Variants in KLHL8 observed in about 807,000 individuals in gnomAD.
The protein encoded by KLHL8 is kelch-like protein 8.
Under a neutral mutation model 63.5 loss-of-function variants are expected in KLHL8, and 38 were observed. That is an observed-to-expected ratio of 0.60 (90% confidence interval 0.46 to 0.78). The LOEUF (loss-of-function observed/expected upper bound fraction) is 0.78, where lower values mean the gene tolerates loss of function less well. KLHL8 is among the 30% of genes least tolerant of loss of function. KLHL8 has a pLI of 0.00. For missense variants in KLHL8, 566 were observed against 752.4 expected (o/e 0.75, Z 2.90); for synonymous variants, 224 against 254.3 (o/e 0.88, Z 1.13).
chr4:87,221,843 C>T (rs1732865177), upstream of KLHL8, among the ~76,000 whole-genome samples: 1 of 152,026 alleles, frequency 6.6e-6, no homozygotes, highest in African/African-American at 2.4e-5. Flanking sequence ...GTATTTTGCA[C>T]ATTTAATGCA....
intron 2 of KLHL8, among the ~76,000 whole-genome samples, chr4:87,191,630 A>G (rs1731492048): frequency 6.6e-6 from 1 of 151,938 alleles, no homozygotes; most frequent in Admixed American, 6.6e-5. Context: ...TTAGGGGTGC[A>G]TGTGTAGGTC....
At chr4:87,180,580 A>G (rs1731011842) in intron 4 of KLHL8, among the ~76,000 whole-genome samples, 1 of 152,250 alleles carries the variant, frequency 6.6e-6, no homozygotes, top group Non-Finnish European at 1.5e-5. Flanking sequence ...ATTCCAAAAT[A>G]AGTCCGGCTG....
At chr4:87,177,560 G>GCACA (rs148227275) in intron 5 of KLHL8, among the ~76,000 whole-genome samples, 2 of 150,098 alleles carry the variant, frequency 1.3e-5, no homozygotes, top group African/African-American at 4.9e-5. Flanking sequence ...TATAAACTGT[G>GCACA]CACACACACA....
intron 6 of KLHL8, among the ~76,000 whole-genome samples, chr4:87,174,314 T>C (rs1045707927): frequency 2.0e-5 from 3 of 151,938 alleles, no homozygotes; most frequent in African/African-American, 7.3e-5. Flanking sequence ...ATTTTGCTCT[T>C]GTCATCCAGA....
rs900705238 is a variant in KLHL8 at position 87,202,954 on chromosome 4, C to A, written c.-151-7264G>T. On this transcript the variant is annotated intron_variant, in intron 1 of 9. Transcript: ENST00000273963. ...TCCAGCAAAATATAGAGAATGATCA[C>A]GACCAAGTAGAATTTATCCTAAGAG... is the stretch of plus-strand genomic sequence containing the variant. Among the ~76,000 whole-genome samples the A allele has an allele frequency of 2.0e-5, 3 of 152,124 alleles. No individual in the cohort carries two copies. The South Asian group carries it at 6.2e-4, about 32-fold the overall frequency.
chr4:87,208,431 A>G (rs909888280), intron 1 of KLHL8, among the ~76,000 whole-genome samples: 1 of 151,576 alleles, frequency 6.6e-6, no homozygotes, highest in African/African-American at 2.4e-5. Context: ...CAGTGGCACA[A>G]TCTCGGCTTA....
At chr4:87,215,775 T>C (rs1377878406) in intron 1 of KLHL8, among the ~76,000 whole-genome samples, 1 of 152,222 alleles carries the variant, frequency 6.6e-6, no homozygotes, top group Non-Finnish European at 1.5e-5. Context: ...GTTTTAAATG[T>C]TATAAATGAA....
At chr4:87,207,465 C>T (rs749708377) in intron 1 of KLHL8, 26 of 739,648 alleles carry the variant, frequency 3.5e-5, no homozygotes, top group African/African-American at 5.1e-5. Flanking sequence ...ACTTTGTTGA[C>T]GCCCCCATGT....
At chr4:87,233,125 C>T (rs1201072674) in intron 1 of KLHL8, among the ~76,000 whole-genome samples, 2 of 151,942 alleles carry the variant, frequency 1.3e-5, no homozygotes, top group East Asian at 2.0e-4. Context: ...CTGCAACCTT[C>T]GCCTCCAGGG....
chr4:87,218,023 C>T (rs1362537724), intron 1 of KLHL8, among the ~76,000 whole-genome samples: 1 of 152,120 alleles, frequency 6.6e-6, no homozygotes, highest in Non-Finnish European at 1.5e-5. Flanking sequence ...GAATGTTTAA[C>T]ACCAAGAATG....
chr4:87,170,694 C>G, intron 6 of KLHL8, 79 bp from the exon 7 acceptor site: 1 of 1,223,798 alleles, frequency 8.2e-7, no homozygotes, highest in Non-Finnish European at 1.2e-6. Context: ...TGTGCTAATG[C>G]AAATCATTTA....
rs61613935 is a variant in KLHL8 at position 87,208,291 on chromosome 4, A to AAAAC, written c.-152+12123_-152+12126dup. On this transcript the variant is annotated intron_variant, in intron 1 of 9. Coordinates refer to ENST00000273963, the MANE Select transcript of KLHL8 (RefSeq NM_020803.5). ...TAATAAAGTCCCCTATGCTTAGCCA[A>AAAAC]AAACAAACAAACAAACAAACAAACA... Among the ~76,000 whole-genome samples, 1,224 of 152,146 alleles carry AAAAC rather than the reference A, an allele frequency of 8.0e-3. 13 individuals are homozygous for AAAAC. The highest frequency in any genetic ancestry group is 0.024 in the African/African-American group (995 of 41,476).
At chr4:87,218,804 G>A (rs1479738433) in intron 1 of KLHL8, among the ~76,000 whole-genome samples, 1 of 151,962 alleles carries the variant, frequency 6.6e-6, no homozygotes, top group East Asian at 1.9e-4. Context: ...GCATGATCTC[G>A]GTTCACTGCA....
rs1314329197 is a variant in KLHL8, at chr4:87,195,884, T to TA, written c.-151-195dup. On this transcript the variant is annotated intron_variant, in intron 1 of 9. Transcript: ENST00000273963. ...TTTTATATCAATAAAGGAACTCCTT[T>TA]AAAATCCAACAAGAACAACTGACTT... is the stretch of plus-strand genomic sequence containing the variant. 5.3e-5 allele frequency among the ~76,000 whole-genome samples: 8 copies of TA among 152,312 alleles called. No homozygotes were observed. In the East Asian group the frequency reaches 1.5e-3, roughly 29 times the overall value.
rs115672175 is a variant in KLHL8 at position 87,206,893 on chromosome 4, T to G, written c.-151-11203A>C. Among the ~76,000 whole-genome samples the G allele has an allele frequency of 2.3e-3, 349 of 152,368 alleles. 3 individuals are homozygous for G. The highest frequency in any genetic ancestry group is 8.0e-3 in the African/African-American group (331 of 41,586). The stretch of plus-strand genomic sequence containing the variant: ...GCCTGCTTAACACAGTCTACTCTTT[T>G]TTGAAGACTGTGTCTTAACAATATC... On this transcript the variant is annotated intron_variant, in intron 1 of 9. Coordinates refer to ENST00000273963, the MANE Select transcript of KLHL8 (RefSeq NM_020803.5).
chr4:87,197,153 T>A (rs1731730489), intron 1 of KLHL8, among the ~76,000 whole-genome samples: 1 of 123,736 alleles, frequency 8.1e-6, no homozygotes, highest in African/African-American at 2.7e-5. Flanking sequence ...TGATCCTTAA[T>A]GAGTCATGTC....
chr4:87,226,594 A>T (rs1213657865), intron 1 of KLHL8, among the ~76,000 whole-genome samples: 1 of 92,308 alleles, frequency 1.1e-5, no homozygotes, highest in African/African-American at 4.2e-5. Context: ...TATATATATA[A>T]ATAATATATA....
chr4:87,167,227 A>G, intron 8 of KLHL8: 1 of 516,392 alleles, frequency 1.9e-6, no homozygotes, highest in Non-Finnish European at 3.7e-6. Context: ...CAGATGTGTG[A>G]CATAAGAGAT....
At position 87,195,366 on chromosome 4, in the gene KLHL8, A is replaced by G. The variant is rs74604071; in HGVS notation, c.174T>C (p.Leu58=). 0.043 allele frequency: 69,403 copies of G among 1,612,940 alleles called. 2,836 individuals are homozygous for G. Among genetic ancestry groups the G allele is most frequent in the East Asian group, 0.19 (8,731 of 44,798 alleles). ...EAWKDFHGSL[L]RFYENGELCD... The stretch of plus-strand genomic sequence containing the variant: ...AGAGTTCTCCATTTTCATAAAATCG[A>G]AGAAGAGAACCATGAAAATCTTTCC... Residue 58 remains leucine (L), a synonymous_variant, in exon 2 of 10, where the codon CTT becomes CTC. Coordinates refer to ENST00000273963, the MANE Select transcript of KLHL8 (RefSeq NM_020803.5).
Sources: gnomAD v4.1 joint callset for allele counts (sites outside exome capture counted in the v4.1 genomes callset) on GRCh38, gnomAD v4.1.1 for gene constraint, MANE v1.5 for transcripts, NCBI Gene and HGNC (gene_info 2026-07-23, HGNC 2026-07-21) for gene names.